Variants in CCNT2 observed in about 807,000 individuals in gnomAD.
CCNT2 encodes the protein cyclin T2.
Under a neutral mutation model 70.0 loss-of-function variants are expected in CCNT2, and 18 were observed. The observed-to-expected ratio is 0.26, with a 90% CI of 0.18 to 0.38. The LOEUF (loss-of-function observed/expected upper bound fraction) is 0.38, where lower values mean the gene tolerates loss of function less well. Among genes scored for constraint, CCNT2 ranks in the 10% least tolerant of loss-of-function variants. The pLI, the probability that CCNT2 is intolerant of heterozygous loss-of-function variation, is 1.00. For missense variants in CCNT2, 734 were observed against 890.2 expected, an observed-to-expected ratio of 0.82 and a Z score of 2.23; for synonymous variants, 334 against 313.3, an observed-to-expected ratio of 1.07 and a Z score of -0.70.
chr2:134,934,753 T>C (rs926354058), intron 2 of CCNT2, among the ~76,000 whole-genome samples: 2 of 152,194 alleles, frequency 1.3e-5, no homozygotes, highest in African/African-American at 2.4e-5. Context: ...TCTTGATCAG[T>C]GTCTTTCAGG....
In CCNT2 at chr2:134,953,722, A is replaced by G. The variant is rs756574366; in HGVS notation, c.1267A>G (p.Ile423Val). ...AGGGAGCAGTAAACACCATGGGCCAATTTCCACTACTCCAGGAATAATTCC... is the reference window on the plus strand; with the variant it reads ...AGGGAGCAGTAAACACCATGGGCCAGTTTCCACTACTCCAGGAATAATTCC... ...KAGSSKHHGPISTTPGIIPQK... is the reference protein window; with the variant it reads ...KAGSSKHHGPVSTTPGIIPQK... Residue 423 changes from isoleucine to valine, a missense_variant, in exon 9 of 9, where the codon ATT (isoleucine) becomes GTT (valine). Physicochemically the swap from Ile to Val is conservative, Grantham distance 29. Coordinates refer to ENST00000264157, the MANE Select transcript of CCNT2 (RefSeq NM_058241.3). 4.3e-6 allele frequency: 7 copies of G among 1,613,960 alleles called. No individual in the cohort carries two copies. Among genetic ancestry groups the G allele is most frequent in the African/African-American group, 2.7e-5 (2 of 74,926 alleles).
rs768088464 is a variant in CCNT2 at position 134,953,603 on chromosome 2, A to C, written c.1148A>C (p.Gln383Pro). The change falls in exon 9 of 9, where the codon CAG becomes CCG. Residue 383 changes from glutamine to proline, a missense_variant. Coordinates refer to ENST00000264157, the MANE Select transcript of CCNT2 (RefSeq NM_058241.3). ...AGCCAGTACAACATCAACTTCCAGC[A>C]GGGACCTTCTATATCACTGCATTCA... Reference protein sequence around the residue: ...SGSQYNINFQQGPSISLHSGL... With the variant: ...SGSQYNINFQPGPSISLHSGL... 10 of 1,614,046 alleles carry C rather than the reference A, an allele frequency of 6.2e-6. No homozygotes were observed.
chr2:134,954,840 G>C lies in CCNT2; in HGVS notation c.*192G>C, dbSNP rs992375466. On this transcript the variant is annotated 3_prime_UTR_variant, in exon 9 of 9. Coordinates refer to ENST00000264157, the MANE Select transcript of CCNT2 (RefSeq NM_058241.3). The stretch of plus-strand genomic sequence containing the variant: ...CAAGTCTTTATCTCCACATATGATA[G>C]TGTTATAAATACTGTAAAAGCATGG... 1 of 565,994 alleles carries C rather than the reference G, an allele frequency of 1.8e-6. No individual in the cohort carries two copies. Among genetic ancestry groups the C allele is most frequent in the Non-Finnish European group, 3.1e-6 (1 of 317,742 alleles). The allele number at this position is 565,994 out of a possible 1,614,324, so 35.1% of individuals were successfully genotyped here. A position where few individuals can be genotyped will look rare whatever the true frequency, so the allele number is the denominator to read the frequency against.
At chr2:134,946,931 A>T (rs187647240) in intron 6 of CCNT2, among the ~76,000 whole-genome samples, 3 of 152,326 alleles carry the variant, frequency 2.0e-5, no homozygotes, top group Admixed American at 1.3e-4. Context: ...TGTGACACTG[A>T]TAAGTTTTAT....
At position 134,953,926 on chromosome 2, in the gene CCNT2, A is replaced by G; in HGVS notation, c.1471A>G (p.Thr491Ala). Residue 491 changes from threonine to alanine, a missense_variant, in exon 9 of 9, where the codon ACT becomes GCT. Coordinates refer to ENST00000264157, the MANE Select transcript of CCNT2 (RefSeq NM_058241.3). Reference sequence around the variant, plus strand: ...TAAAATGAAAATACCTATCGCAAATACTGAAAAATACATGGCAGACAAAAA... The same window carrying G: ...TAAAATGAAAATACCTATCGCAAATGCTGAAAAATACATGGCAGACAAAAA... ...PIKMKIPIANTEKYMADKKEK... is the reference protein window; with the variant it reads ...PIKMKIPIANAEKYMADKKEK... 6.2e-7 allele frequency: 1 copy of G among 1,613,996 alleles called. No homozygotes were observed. Among genetic ancestry groups the G allele is most frequent in the South Asian group, 1.1e-5 (1 of 91,064 alleles).
intron 7 of CCNT2, among the ~76,000 whole-genome samples, chr2:134,948,547 A>C (rs1421103335): frequency 6.6e-6 from 1 of 152,076 alleles, no homozygotes; most frequent in African/African-American, 2.4e-5. Flanking sequence ...ATGAATACAC[A>C]AGGAGAAATT....
rs1682880378 is a variant in CCNT2 at position 134,955,676 on chromosome 2, AC to A, written c.*1029del. On this transcript the variant is annotated 3_prime_UTR_variant, in exon 9 of 9. Transcript: ENST00000264157. The stretch of plus-strand genomic sequence containing the variant: ...CACTTTTCCTTTAGCATTCAGAATG[AC>A]ACCATATTCTTAAATATACTCCTTC... 1 of 152,636 alleles carries A rather than the reference AC, an allele frequency of 6.6e-6. No homozygotes were observed. Among genetic ancestry groups the A allele is most frequent in the African/African-American group, 2.4e-5 (1 of 41,458 alleles). 9.5% of individuals were successfully genotyped at this position (152,636 alleles called of 1,614,324 possible). A position where few individuals can be genotyped will look rare whatever the true frequency, so the allele number is the denominator to read the frequency against.
At chr2:134,948,746 A>T (rs1043470467) in intron 7 of CCNT2, among the ~76,000 whole-genome samples, 3 of 145,706 alleles carry the variant, frequency 2.1e-5, no homozygotes, top group Admixed American at 7.1e-5. Context: ...AGTCAGTCTC[A>T]CTCTGTCGCC....
chr2:134,947,108 T>C (rs1281545744), intron 6 of CCNT2, among the ~76,000 whole-genome samples: 1 of 152,220 alleles, frequency 6.6e-6, no homozygotes, highest in Admixed American at 6.5e-5. Flanking sequence ...ATATTTGGCA[T>C]ATAGTGGAAG....
At chr2:134,943,025 T>TTTGAC in intron 5 of CCNT2, 1 of 985,282 alleles carries the variant, frequency 1.0e-6, no homozygotes, top group Non-Finnish European at 1.2e-6. Flanking sequence ...TTTGGGTTTG[T>TTTGAC]GTCAAACTTT....
intron 7 of CCNT2, among the ~76,000 whole-genome samples, chr2:134,949,818 G>A (rs1202081299): frequency 6.0e-5 from 8 of 134,266 alleles, no homozygotes; most frequent in African/African-American, 2.1e-4. Flanking sequence ...GGGGGTGGGG[G>A]ACAGAGTCTC....
Position 134,954,021 on chromosome 2 carries a change from A to G in CCNT2, c.1566A>G (p.Glu522=). Residue 522 remains glutamate, a synonymous_variant, in exon 9 of 9, where the codon GAA becomes GAG. Coordinates refer to ENST00000264157, the MANE Select transcript of CCNT2 (RefSeq NM_058241.3). ...PPTDKSASKE[E]LKMKIKVSSS... is the part of the protein sequence containing the mutation. ...CTGATAAAAGCGCCAGTAAAGAAGA[A>G]CTGAAAATGAAAATAAAAGTTTCTT... 1 of 1,614,210 alleles carries G rather than the reference A, an allele frequency of 6.2e-7. No homozygotes were observed. The highest frequency in any genetic ancestry group is 8.5e-7 in the Non-Finnish European group (1 of 1,180,024).
intron 7 of CCNT2, among the ~76,000 whole-genome samples, chr2:134,949,806 G>C (rs1318307900): frequency 2.2e-5 from 3 of 138,612 alleles, no homozygotes; most frequent in East Asian, 2.4e-4. Context: ...TTTTTTCGGG[G>C]GGGGGGTGGG....
chr2:134,934,685 G>A (rs1210997155), intron 2 of CCNT2, among the ~76,000 whole-genome samples: 1 of 152,150 alleles, frequency 6.6e-6, no homozygotes, highest in South Asian at 2.1e-4. Flanking sequence ...TGGAATTAGT[G>A]GATTTCACCA....
chr2:134,952,874 G>T, intron 8 of CCNT2, 163 bp downstream of exon 8: 1 of 570,266 alleles, frequency 1.8e-6, no homozygotes, highest in South Asian at 2.7e-5. Context: ...TGAGTCCAGT[G>T]GACTTTGCTA....
In CCNT2 at chr2:134,925,286, A is replaced by G. The variant is rs1043825611; in HGVS notation, c.240+5395A>G. On this transcript the variant is annotated intron_variant, in intron 2 of 8. Transcript: ENST00000264157. ...GGACACCCAGTGGCACGTATCATAT[A>G]GGATAATTACTGGATTTTTGCCCTT... Among the ~76,000 whole-genome samples the G allele has an allele frequency of 4.5e-4, 69 of 152,160 alleles. 1 individual carries two copies. Among genetic ancestry groups the G allele is most frequent in the Non-Finnish European group, 8.8e-5 (6 of 68,030 alleles).
intron 5 of CCNT2, chr2:134,945,850 G>A (rs1000009551): frequency 2.0e-6 from 3 of 1,476,148 alleles, no homozygotes; most frequent in East Asian, 2.8e-5. Flanking sequence ...TTTAGCCCTT[G>A]TAACTGGCTA....
intron 3 of CCNT2, among the ~76,000 whole-genome samples, chr2:134,938,562 C>G (rs949835896): frequency 1.3e-5 from 2 of 152,208 alleles, no homozygotes; most frequent in Non-Finnish European, 2.9e-5. Context: ...TACTCAGTGA[C>G]TTACTGTGAC....
chr2:134,939,613 A>G (rs907084466), intron 4 of CCNT2, among the ~76,000 whole-genome samples: 1 of 151,936 alleles, frequency 6.6e-6, no homozygotes, highest in Non-Finnish European at 1.5e-5. Context: ...CTACAGGTGC[A>G]TACTGCCACA....
Sources: allele counts gnomAD v4.1 joint callset (sites outside exome capture counted in the v4.1 genomes callset), GRCh38; gene constraint gnomAD v4.1.1; transcripts MANE v1.5; gene names NCBI Gene and HGNC (gene_info 2026-07-23, HGNC 2026-07-21).